IQCM: variants seen among roughly 807,000 people sequenced by gnomAD.
IQCM encodes IQ motif containing M.
IQCM carries 45 observed loss-of-function variants against 57.6 expected under a neutral mutation model. That is an observed-to-expected ratio of 0.78 (90% CI 0.62 to 1.00). IQCM has a LOEUF of 1.00. Ranked by LOEUF, IQCM falls within the 50% of genes least tolerant of loss-of-function variation. The pLI, the probability that IQCM is intolerant of heterozygous loss-of-function variation, is 0.00. For missense variants in IQCM, 468 were observed against 511.6 expected (o/e 0.91, Z 0.82); for synonymous variants, 148 against 158.9 (o/e 0.93, Z 0.51).
chr4:149,619,345 G>A (rs1327875512), intron 8 of IQCM, among the ~76,000 whole-genome samples: 2 of 151,970 alleles, frequency 1.3e-5, no homozygotes, highest in African/African-American at 4.8e-5. Context: ...GATGGGAAAG[G>A]GGTGAGGGAT....
chr4:149,548,634 C>T (rs940845364), intron 11 of IQCM, 45 bp from the exon 12 acceptor site: 1 of 994,252 alleles, frequency 1.0e-6, no homozygotes, highest in African/African-American at 1.7e-5. Flanking sequence ...TTAAACAATA[C>T]ATCAAGTAAA....
At chr4:149,629,540 T>C (rs1757081312) in intron 7 of IQCM, among the ~76,000 whole-genome samples, 2 of 152,066 alleles carry the variant, frequency 1.3e-5, no homozygotes, top group African/African-American at 4.8e-5. Context: ...CCTCTGGGTG[T>C]TCCTATAAAG....
chr4:149,762,012 A>G (rs1769568887), intron 2 of IQCM, among the ~76,000 whole-genome samples: 1 of 146,166 alleles, frequency 6.8e-6, no homozygotes, highest in Non-Finnish European at 1.5e-5. Flanking sequence ...AGTATCCTCC[A>G]AAAAAATCAA....
chr4:149,436,963 T>A (rs1479218941), intron 12 of IQCM, among the ~76,000 whole-genome samples: 1 of 152,128 alleles, frequency 6.6e-6, no homozygotes, highest in East Asian at 1.9e-4. Flanking sequence ...AAAATCAGAA[T>A]ATGTTTAATT....
chr4:149,619,111 T>TATATATATATATATAG, intron 8 of IQCM, among the ~76,000 whole-genome samples: 1 of 144,474 alleles, frequency 6.9e-6, no homozygotes. Flanking sequence ...GGGATGGATA[T>TATATATATATATATAG]ATATATATAT....
chr4:149,626,683 T>C (rs1756842324), intron 7 of IQCM, among the ~76,000 whole-genome samples: 1 of 152,096 alleles, frequency 6.6e-6, no homozygotes, highest in Admixed American at 6.6e-5. Flanking sequence ...ATATGGTCTG[T>C]TACCTTTGGC....
In IQCM at chr4:149,780,546, T is replaced by A. The variant is rs112546718; in HGVS notation, c.-49+34765A>T. On this transcript the variant is annotated intron_variant, in intron 2 of 13. Transcript: ENST00000636793. ...AATATGTAAGTTATATATATATATA[T>A]AAAACATATTTTTTTCCACAGAAGA... 8.9e-3 allele frequency among the ~76,000 whole-genome samples: 1,344 copies of A among 150,962 alleles called. 13 individuals are homozygous for A. Among genetic ancestry groups the A allele is most frequent in the African/African-American group, 0.03 (1,233 of 41,338 alleles).
intron 2 of IQCM, among the ~76,000 whole-genome samples, chr4:149,761,741 C>A (rs1580228827): frequency 6.6e-6 from 1 of 151,990 alleles, no homozygotes; most frequent in African/African-American, 2.4e-5. Context: ...ATTTGCAAAA[C>A]AATTGATATA....
chr4:149,369,508 C>T (rs1730215167), intron 13 of IQCM, among the ~76,000 whole-genome samples: 2 of 152,082 alleles, frequency 1.3e-5, no homozygotes, highest in African/African-American at 4.8e-5. Context: ...TGGTATATTC[C>T]TTAACCTTCA....
At chr4:149,681,856 A>T (rs1762203941) in intron 7 of IQCM, among the ~76,000 whole-genome samples, 1 of 151,218 alleles carries the variant, frequency 6.6e-6, no homozygotes, top group Admixed American at 6.6e-5. Context: ...TAAACTTTTA[A>T]AATTACAAAT....
At chr4:149,694,390 A>G (rs1482448348) in intron 5 of IQCM, among the ~76,000 whole-genome samples, 12 of 151,608 alleles carry the variant, frequency 7.9e-5, no homozygotes, top group Non-Finnish European at 1.3e-4. Context: ...ACGCCCGGCT[A>G]ATTTTTTGTA....
At chr4:149,732,490 A>G (rs1766549991) in intron 5 of IQCM, among the ~76,000 whole-genome samples, 6 of 152,164 alleles carry the variant, frequency 3.9e-5, no homozygotes, top group Admixed American at 3.9e-4. Context: ...ACTGTATAGT[A>G]AGAAATTACC....
chr4:149,580,845 G>A (rs572863451), intron 9 of IQCM, among the ~76,000 whole-genome samples: 2 of 151,800 alleles, frequency 1.3e-5, no homozygotes, highest in Admixed American at 6.6e-5. Context: ...TCATTATAAA[G>A]CAGAGAAAAT....
At chr4:149,614,915 A>T (rs1755650232) in intron 8 of IQCM, among the ~76,000 whole-genome samples, 1 of 152,188 alleles carries the variant, frequency 6.6e-6, no homozygotes, top group South Asian at 2.1e-4. Context: ...GACCACTGCA[A>T]CATAGTATGT....
intron 12 of IQCM, among the ~76,000 whole-genome samples, chr4:149,475,160 A>G (rs578175206): frequency 9.8e-5 from 15 of 152,324 alleles, no homozygotes; most frequent in Middle Eastern, 3.4e-3. Flanking sequence ...GCAGTAATCC[A>G]GGTAAAAAGA....
At chr4:149,451,394 G>A (rs1048109121) in intron 12 of IQCM, among the ~76,000 whole-genome samples, 1 of 151,732 alleles carries the variant, frequency 6.6e-6, no homozygotes, top group Non-Finnish European at 1.5e-5. Context: ...ACACCATTTT[G>A]TATGATGTGA....
At chr4:149,502,100 A>G (rs1292684160) in intron 12 of IQCM, among the ~76,000 whole-genome samples, 1 of 146,956 alleles carries the variant, frequency 6.8e-6, no homozygotes, top group Admixed American at 6.6e-5. Context: ...ATTACTAACC[A>G]TGAATAGATT....
At chr4:149,505,204 A>G (rs960298755) in intron 12 of IQCM, among the ~76,000 whole-genome samples, 1 of 152,158 alleles carries the variant, frequency 6.6e-6, no homozygotes, top group Non-Finnish European at 1.5e-5. Flanking sequence ...TAACATTGAC[A>G]TTTCTGAATA....
intron 13 of IQCM, among the ~76,000 whole-genome samples, chr4:149,367,637 A>G (rs925725221): frequency 2.6e-5 from 4 of 152,024 alleles, no homozygotes; most frequent in Non-Finnish European, 4.4e-5. Context: ...TTATTTATTC[A>G]GTATGCTCTT....
Sources: allele counts gnomAD v4.1 joint callset (sites outside exome capture counted in the v4.1 genomes callset), GRCh38; gene constraint gnomAD v4.1.1; transcripts MANE v1.5; gene names NCBI Gene and HGNC (gene_info 2026-07-23, HGNC 2026-07-21).